The following PAH variants were observed in gnomAD, a reference collection of about 807,000 sequenced individuals.
PAH encodes the protein phenylalanine hydroxylase.
PAH carries 64 observed loss-of-function variants against 62.0 expected under a neutral mutation model. The ratio of observed to expected loss-of-function variants is 1.03; its 90% CI spans 0.84 to 1.27. The LOEUF (loss-of-function observed/expected upper bound fraction) is 1.27, where lower values mean the gene tolerates loss of function less well. Among genes scored for constraint, PAH ranks in the 50% most tolerant of loss-of-function variants. PAH has a pLI of 0.00. For synonymous variants in PAH, 195 were observed against 196.2 expected (o/e 0.99, Z 0.05); for missense variants, 579 against 542.8 (o/e 1.07, Z -0.66).
At chr12:102,952,993 G>C (rs894140816), upstream of PAH, among the ~76,000 whole-genome samples, 2 of 152,186 alleles carry the variant, frequency 1.3e-5, no homozygotes, top group African/African-American at 4.8e-5. Context: ...TATTCTTAGA[G>C]GCAGTAGATT....
intron 2 of PAH, among the ~76,000 whole-genome samples, chr12:102,910,650 G>A (rs938368320): frequency 5.3e-5 from 8 of 151,704 alleles, no homozygotes; most frequent in East Asian, 1.9e-4. Context: ...GATTACAGGC[G>A]TGAGTTGAAA....
chr12:102,840,315 A>G, intron 12 of PAH, 85 bp downstream of exon 12: 1 of 853,542 alleles, frequency 1.2e-6, no homozygotes, highest in Non-Finnish European at 2.0e-6. Context: ...CAATAAATTT[A>G]TTATTTTTCC....
intron 4 of PAH, among the ~76,000 whole-genome samples, chr12:102,872,320 T>C (rs1207861356): frequency 1.3e-5 from 2 of 152,214 alleles, no homozygotes; most frequent in Non-Finnish European, 1.5e-5. Context: ...TCGTCTCTTG[T>C]ATCTTTTCTG....
intron 3 of PAH, chr12:102,886,312 G>C (rs2136690998): frequency 6.6e-6 from 1 of 152,312 alleles, no homozygotes; most frequent in African/African-American, 2.4e-5. Context: ...GAAGTAAAGA[G>C]TGAAACTGTG....
intron 2 of PAH, among the ~76,000 whole-genome samples, chr12:102,905,021 C>G (rs1270562666): frequency 6.6e-6 from 1 of 152,186 alleles, no homozygotes; most frequent in Non-Finnish European, 1.5e-5. Flanking sequence ...TCTTTCTCAT[C>G]TTCACGCTTT....
rs140175796 is a variant in PAH at position 102,877,469 on chromosome 12, T to A, written c.434A>T (p.Asp145Val). ...TACGGGCCATGGACTCACAGGGTGG[T>A]CAGCATCCAGTTCCGCTCCATAGCT... ...ILSYGAELDADHPGFKDPVYR... is the reference protein window; with the variant it reads ...ILSYGAELDAVHPGFKDPVYR... The change falls in exon 4 of 13, where the codon GAC becomes GTC. Residue 145 changes from aspartate to valine, a missense_variant. Coordinates refer to ENST00000553106, the MANE Select transcript of PAH (RefSeq NM_000277.3). 137 of 1,612,920 alleles carry A rather than the reference T, an allele frequency of 8.5e-5. No homozygotes were observed. The highest frequency in any genetic ancestry group is 1.0e-4 in the Non-Finnish European group (118 of 1,179,208).
chr12:102,891,079 A>C (rs1877257528), intron 3 of PAH, among the ~76,000 whole-genome samples: 1 of 152,132 alleles, frequency 6.6e-6, no homozygotes. Flanking sequence ...GTGAGGCTCC[A>C]TCTCAAAAAA....
rs61747292 is a variant in PAH at position 102,846,901 on chromosome 12, G to C, written c.963C>G (p.Leu321=). 6.2e-7 allele frequency: 1 copy of C among 1,613,310 alleles called. No individual in the cohort carries two copies. The highest frequency in any genetic ancestry group is 1.1e-5 in the South Asian group (1 of 91,058). ...LGAPDEYIEK[L]ATIYWFTVEF... ...AGGGAGAGAAGGGACTTACTGTGGC[G>C]AGCTTTTCAATGTATTCATCAGGTG... Residue 321 remains leucine (L), a synonymous_variant, in exon 9 of 13, where the codon CTC becomes CTG. Transcript: ENST00000553106.
Position 102,839,121 on chromosome 12 carries a change from G to A in PAH, c.*54C>T. On this transcript the variant is annotated 3_prime_UTR_variant, in exon 13 of 13. Transcript: ENST00000553106. ...CGGACTTTTTCTGATGAAAGAAATA[G>A]TTGGATCTCCATCAACAGATTCACA... 1 of 1,524,974 alleles carries A rather than the reference G, an allele frequency of 6.6e-7. No homozygotes were observed. Among genetic ancestry groups the A allele is most frequent in the Non-Finnish European group, 9.1e-7 (1 of 1,099,274 alleles). The allele number at this position is 1,524,974 out of a possible 1,614,324, so 94.5% of individuals were successfully genotyped here.
In PAH at chr12:102,843,781, T is replaced by A. The variant is rs281865447; in HGVS notation, c.1066-2A>T. 1 of 1,613,666 alleles carries A rather than the reference T, an allele frequency of 6.2e-7. No homozygotes were observed. Among genetic ancestry groups the A allele is most frequent in the East Asian group, 2.2e-5 (1 of 44,876 alleles). On this transcript the variant is annotated splice_acceptor_variant, in intron 10 of 12. Transcript: ENST00000553106. LOFTEE classifies it high-confidence loss of function. Reference sequence around the variant, plus strand: ...CTTTGGCTTCTCTGATAAGCAGTACTGTAGGCCCCAAGTGAAAAGTTATTA... The same window carrying A: ...CTTTGGCTTCTCTGATAAGCAGTACAGTAGGCCCCAAGTGAAAAGTTATTA...
chr12:102,929,228 A>AGCAT (rs1878774590), intron 1 of PAH, among the ~76,000 whole-genome samples: 1 of 152,206 alleles, frequency 6.6e-6, no homozygotes, highest in Admixed American at 6.6e-5. Flanking sequence ...CTTTATTAGC[A>AGCAT]GCATGAGAAT....
At chr12:102,891,983 G>A (rs1274855559) in intron 3 of PAH, among the ~76,000 whole-genome samples, 5 of 152,114 alleles carry the variant, frequency 3.3e-5, no homozygotes, top group Admixed American at 1.3e-4. Context: ...GCAGGTGGCC[G>A]GAAAAAAGCA....
intron 3 of PAH, among the ~76,000 whole-genome samples, chr12:102,886,670 C>T (rs1266615007): frequency 3.3e-5 from 5 of 152,028 alleles, no homozygotes; most frequent in Non-Finnish European, 7.4e-5. Context: ...GCCCTGCTCC[C>T]CTTCTTCTCA....
At chr12:102,923,399 G>A (rs1358380535) in intron 1 of PAH, among the ~76,000 whole-genome samples, 1 of 152,150 alleles carries the variant, frequency 6.6e-6, no homozygotes, top group South Asian at 2.1e-4. Flanking sequence ...TGGTGAAATG[G>A]ATATAGCACA....
chr12:102,920,266 G>C (rs988231230), upstream of PAH, among the ~76,000 whole-genome samples: 1 of 152,182 alleles, frequency 6.6e-6, no homozygotes, highest in African/African-American at 2.4e-5. Context: ...TGTTCAATTT[G>C]GTTGGAATGC....
At chr12:102,909,282 G>A (rs144724620) in intron 2 of PAH, among the ~76,000 whole-genome samples, 1 of 152,286 alleles carries the variant, frequency 6.6e-6, no homozygotes, top group African/African-American at 2.4e-5. Flanking sequence ...CTCATGGTTA[G>A]ATGGAGGTTA....
At chr12:102,877,135 T>C (rs988982647) in intron 4 of PAH, 3 of 388,888 alleles carry the variant, frequency 7.7e-6, no homozygotes, top group Non-Finnish European at 1.5e-5. Context: ...TACCAAGCAC[T>C]TGACTTAAAC....
At chr12:102,871,327 G>C (rs1565856571) in intron 4 of PAH, among the ~76,000 whole-genome samples, 2 of 152,124 alleles carry the variant, frequency 1.3e-5, no homozygotes, top group Non-Finnish European at 2.9e-5. Context: ...GAGTGCACTG[G>C]TCTTGCTTTA....
At chr12:102,868,088 GTATATA>G (rs1318440704) in intron 4 of PAH, among the ~76,000 whole-genome samples, 2 of 45,256 alleles carry the variant, frequency 4.4e-5, no homozygotes, top group South Asian at 6.9e-4. Context: ...ATGTGTGTGT[GTATATA>G]TATATATATA....
Sources: gnomAD v4.1 joint callset for allele counts (sites outside exome capture counted in the v4.1 genomes callset) on GRCh38, gnomAD v4.1.1 for gene constraint, MANE v1.5 for transcripts, NCBI Gene and HGNC (gene_info 2026-07-23, HGNC 2026-07-21) for gene names.